SLC12A3: variants seen among roughly 807,000 people sequenced by gnomAD.
The protein encoded by SLC12A3 is Na-Cl cotransporter.
Under a neutral mutation model 121.0 loss-of-function variants are expected in SLC12A3, and 104 were observed. That is an observed-to-expected ratio of 0.86 (90% CI 0.73 to 1.01). The LOEUF is 1.01. Ranked by LOEUF, SLC12A3 falls within the 50% of genes least tolerant of loss-of-function variation. The pLI, the probability that SLC12A3 is intolerant of heterozygous loss-of-function variation, is 0.00. For missense variants in SLC12A3, 1,328 were observed against 1,356.3 expected (o/e 0.98, Z 0.33); for synonymous variants, 536 against 533.4 (o/e 1.00, Z -0.07).
chr16:56,910,312 G>A (rs1467737800), intron 25 of SLC12A3, among the ~76,000 whole-genome samples: 2 of 151,696 alleles, frequency 1.3e-5, no homozygotes, highest in Non-Finnish European at 2.9e-5. Context: ...TGTGACTCAG[G>A]CCTCTTTGGG....
Position 56,903,354 on chromosome 16 carries a change from C to T in SLC12A3, c.2856+846C>T, listed in dbSNP as rs752610039. Among the ~76,000 whole-genome samples the T allele has an allele frequency of 2.0e-5, 3 of 152,050 alleles. No individual in the cohort carries two copies. The East Asian group carries it at 5.8e-4, about 29-fold the overall frequency. On this transcript the variant is annotated intron_variant, in intron 24 of 25. Transcript: ENST00000563236. ...GTGGGGCAGGCTCTAGGAGTGCGAGCGAGAGCGATGGGGGCAAGGGCCGGG... is the reference window on the plus strand; with the variant it reads ...GTGGGGCAGGCTCTAGGAGTGCGAGTGAGAGCGATGGGGGCAAGGGCCGGG...
chr16:56,889,320 G>T (rs1050506865), intron 18 of SLC12A3, among the ~76,000 whole-genome samples: 1 of 152,200 alleles, frequency 6.6e-6, no homozygotes, highest in Non-Finnish European at 1.5e-5. Context: ...GGGCCTGAAA[G>T]TTCCTTGTCC....
chr16:56,867,917 G>A (rs1413673774), intron 2 of SLC12A3, among the ~76,000 whole-genome samples: 3 of 152,216 alleles, frequency 2.0e-5, no homozygotes, highest in African/African-American at 7.2e-5. Context: ...TGGGGCGCTG[G>A]CTCACCTGGC....
intron 5 of SLC12A3, 68 bp from the exon 6 acceptor site, chr16:56,870,558 G>T (rs2055079182): frequency 9.4e-7 from 1 of 1,066,958 alleles, no homozygotes. Context: ...TGCCTCCTAG[G>T]TGGGCAGAGT....
chr16:56,894,712 C>A, intron 22 of SLC12A3, 70 bp downstream of exon 22: 1 of 1,189,496 alleles, frequency 8.4e-7, no homozygotes, highest in Non-Finnish European at 1.2e-6. Context: ...CCAAGGCTGT[C>A]CCCTACCCTA....
intron 4 of SLC12A3, 83 bp downstream of exon 4, chr16:56,869,907 A>G (rs1034161552): frequency 2.0e-5 from 28 of 1,394,066 alleles, no homozygotes; most frequent in Admixed American, 1.5e-4. Context: ...CCCCAACCCA[A>G]TGGTACACCC....
In SLC12A3 at chr16:56,898,653, C is replaced by T. The variant is rs376177909; in HGVS notation, c.2634-877C>T. 4.7e-4 allele frequency among the ~76,000 whole-genome samples: 71 copies of T among 152,262 alleles called. 2 individuals carry two copies. The South Asian group carries it at 0.012, about 27-fold the overall frequency. On this transcript the variant is annotated intron_variant, in intron 22 of 25. Transcript: ENST00000563236. Reference sequence around the variant, plus strand: ...TGTAACAATCTTACCCCTCTTTCACCGTCCAGCCAGACCGCCACCTCTGTG... The same window carrying T: ...TGTAACAATCTTACCCCTCTTTCACTGTCCAGCCAGACCGCCACCTCTGTG...
intron 25 of SLC12A3, among the ~76,000 whole-genome samples, chr16:56,910,262 GT>G (rs71152219): frequency 1.4e-5 from 2 of 147,644 alleles, no homozygotes; most frequent in Admixed American, 6.8e-5. Context: ...CAACCTCTTT[GT>G]TTTTTTTTGT....
intron 13 of SLC12A3, among the ~76,000 whole-genome samples, chr16:56,883,630 C>T (rs1425115965): frequency 6.6e-6 from 1 of 152,220 alleles, no homozygotes; most frequent in African/African-American, 2.4e-5. Context: ...CCACCTTTTA[C>T]ATAGATCCCA....
intron 21 of SLC12A3, among the ~76,000 whole-genome samples, chr16:56,894,070 C>A: frequency 6.9e-6 from 1 of 145,814 alleles, no homozygotes; most frequent in East Asian, 2.0e-4. Flanking sequence ...ATGGTGTGAT[C>A]TCGGCTCACT....
intron 25 of SLC12A3, among the ~76,000 whole-genome samples, chr16:56,911,390 A>G (rs1466941249): frequency 1.3e-5 from 2 of 152,044 alleles, no homozygotes; most frequent in African/African-American, 4.8e-5. Context: ...CAGTGGCGCA[A>G]TCATGCTCAC....
Position 56,886,410 on chromosome 16 carries a change from CT to C in SLC12A3, c.1973del (p.Leu658ArgfsTer14). On this transcript the variant is annotated frameshift_variant, in exon 16 of 26. Coordinates refer to ENST00000563236, the MANE Select transcript of SLC12A3 (RefSeq NM_001126108.2). LOFTEE classifies it high-confidence loss of function. ...LTGPPNFRPA[L>X]VDFVGTFTRN... is the part of the protein sequence containing the mutation. ...GGGGCCCCCCAACTTCCGCCCGGCC[CT>C]GGTGGACTTTGTGGGCACCTTCACC... The C allele has an allele frequency of 6.2e-7, 1 of 1,614,152 alleles. No homozygotes were observed. The highest frequency in any genetic ancestry group is 8.5e-7 in the Non-Finnish European group (1 of 1,180,036).
chr16:56,913,138 T>C, intron 25 of SLC12A3, 126 bp from the exon 26 acceptor site: 1 of 1,243,372 alleles, frequency 8.0e-7, no homozygotes, highest in South Asian at 1.2e-5. Flanking sequence ...AGGTCATTCT[T>C]AGGGTGGGTG....
chr16:56,873,131 G>C (rs1387369735), intron 8 of SLC12A3, among the ~76,000 whole-genome samples: 2 of 152,262 alleles, frequency 1.3e-5, no homozygotes, highest in African/African-American at 4.8e-5. Flanking sequence ...TCCTCCCAGG[G>C]CTCCCCACTG....
Position 56,894,049 on chromosome 16 carries a change from G to A in SLC12A3, c.2522-482G>A, listed in dbSNP as rs377523857. On this transcript the variant is annotated intron_variant, in intron 21 of 25. Transcript: ENST00000563236. The stretch of plus-strand genomic sequence containing the variant: ...GATGGAGTCTCACTCTGTTGCCCAG[G>A]CTGGAGTGCAATGGTGTGATCTCGG... Among the ~76,000 whole-genome samples, 25 of 150,752 alleles carry A rather than the reference G, an allele frequency of 1.7e-4. No individual in the cohort carries two copies. In the East Asian group the frequency reaches 2.1e-3, roughly 13 times the overall value.
chr16:56,906,830 GA>G, intron 25 of SLC12A3: 4 of 671,824 alleles, frequency 6.0e-6, no homozygotes, highest in African/African-American at 1.8e-5. Context: ...TGTATGAGAA[GA>G]AAAAGACCTC....
Position 56,872,651 on chromosome 16 carries a change from T to C in SLC12A3, c.965-5T>C. On this transcript the variant is annotated splice_region_variant and splice_polypyrimidine_tract_variant and intron_variant, in intron 7 of 25. Coordinates refer to ENST00000563236, the MANE Select transcript of SLC12A3 (RefSeq NM_001126108.2). ...AGCCTTACTCATCAGGCCTTGCTTT[T>C]CCAGCGGACATTTTTGTCCAGAACT... 6.2e-7 allele frequency: 1 copy of C among 1,614,254 alleles called. No homozygotes were observed. The highest frequency in any genetic ancestry group is 8.5e-7 in the Non-Finnish European group (1 of 1,180,046).
At chr16:56,872,578 G>C in intron 7 of SLC12A3, 78 bp from the exon 8 acceptor site, 1 of 1,605,940 alleles carries the variant, frequency 6.2e-7, no homozygotes, top group South Asian at 1.1e-5. Context: ...ATGGTCAGGG[G>C]CTGCCTGCCC....
At chr16:56,872,920 A>C in intron 8 of SLC12A3, 134 bp downstream of exon 8, 2 of 1,179,270 alleles carry the variant, frequency 1.7e-6, no homozygotes, top group Non-Finnish European at 2.5e-6. Context: ...AGTCCAACTC[A>C]GCTCAGTTCA....
Sources: allele counts gnomAD v4.1 joint callset (sites outside exome capture counted in the v4.1 genomes callset), GRCh38; gene constraint gnomAD v4.1.1; transcripts MANE v1.5; gene names NCBI Gene and HGNC (gene_info 2026-07-23, HGNC 2026-07-21).